The following PCDHA2 variants were observed in gnomAD, a reference collection of about 807,000 sequenced individuals.
PCDHA2 encodes the protein protocadherin alpha 2.
Under a neutral mutation model 66.0 loss-of-function variants are expected in PCDHA2, and 58 were observed. That is an observed-to-expected ratio of 0.88 (90% confidence interval 0.71 to 1.09). The LOEUF (loss-of-function observed/expected upper bound fraction) is 1.09, where lower values mean the gene tolerates loss of function less well. Ranked by LOEUF, PCDHA2 falls within the 50% of genes least tolerant of loss-of-function variation. The pLI is 0.00. For synonymous variants in PCDHA2, 634 were observed against 554.0 expected (o/e 1.14, Z -2.03); for missense variants, 1,267 against 1,242.3 (o/e 1.02, Z -0.30).
intron 1 of PCDHA2, among the ~76,000 whole-genome samples, chr5:140,898,096 G>T (rs2066523889): frequency 6.6e-6 from 1 of 152,034 alleles, no homozygotes; most frequent in South Asian, 2.1e-4. Context: ...TTAGCCCTTT[G>T]TCAGATGAGT....
In PCDHA2 at chr5:141,002,220, G is replaced by GC. The variant is rs1319895049; in HGVS notation, c.2537-7407_2537-7406insC. ...AGTCCCCGGCTTTAATCAAAATGAT[G>GC]GGTTTTCTGGAAGCTCTTTATTAAC... On this transcript the variant is annotated intron_variant, in intron 3 of 3. Coordinates refer to ENST00000526136, the MANE Select transcript of PCDHA2 (RefSeq NM_018905.3). Among the ~76,000 whole-genome samples, 33 of 152,196 alleles carry GC rather than the reference G, an allele frequency of 2.2e-4. 1 individual carries two copies. Among genetic ancestry groups the GC allele is most frequent in the Admixed American group, 1.0e-3 (16 of 15,274 alleles).
chr5:140,946,163 T>C (rs1345991689), intron 1 of PCDHA2, among the ~76,000 whole-genome samples: 1 of 151,884 alleles, frequency 6.6e-6, no homozygotes, highest in African/African-American at 2.4e-5. Flanking sequence ...ATTTAAAAGA[T>C]GGGTAAAGGA....
intron 1 of PCDHA2, chr5:140,848,650 T>C (rs1343958164): frequency 6.3e-6 from 10 of 1,592,776 alleles, no homozygotes; most frequent in Non-Finnish European, 8.6e-6. Flanking sequence ...GCGCAGGACC[T>C]GGGGCTGGAG....
chr5:140,879,126 G>T (rs2057860982), intron 1 of PCDHA2, among the ~76,000 whole-genome samples: 2 of 152,182 alleles, frequency 1.3e-5, no homozygotes, highest in Admixed American at 1.3e-4. Context: ...GATTAGAGCA[G>T]GGGAGATTGT....
chr5:140,875,033 T>G (rs1377177254), intron 1 of PCDHA2, among the ~76,000 whole-genome samples: 1 of 152,236 alleles, frequency 6.6e-6, no homozygotes, highest in Non-Finnish European at 1.5e-5. Context: ...CTACTGTATT[T>G]GAAAGATTTC....
At chr5:140,991,109 C>A (rs987847767) in intron 3 of PCDHA2, among the ~76,000 whole-genome samples, 1 of 152,156 alleles carries the variant, frequency 6.6e-6, no homozygotes, top group Non-Finnish European at 1.5e-5. Flanking sequence ...AATTAAGTGG[C>A]TTTCTTACAT....
chr5:140,961,715 A>G (rs1363525264), intron 1 of PCDHA2, among the ~76,000 whole-genome samples: 2 of 152,160 alleles, frequency 1.3e-5, no homozygotes, highest in Non-Finnish European at 2.9e-5. Flanking sequence ...TTCATTTCTA[A>G]GTGCTCATAA....
Position 141,010,119 on chromosome 5 carries a change from A to G in PCDHA2, c.*182A>G. 6.2e-7 allele frequency: 1 copy of G among 1,608,062 alleles called. No homozygotes were observed. On this transcript the variant is annotated 3_prime_UTR_variant, in exon 4 of 4. Transcript: ENST00000526136. ...TAACAGGTTTTGTCGTAAAAGCTTT[A>G]CTAAGTCTGGTGTTAACTCTTTCTC...
At chr5:140,968,920 A>G (rs781931367) in intron 1 of PCDHA2, 1 of 1,614,120 alleles carries the variant, frequency 6.2e-7, no homozygotes, top group Admixed American at 1.7e-5. Flanking sequence ...TGTCTTTTAT[A>G]TTTCTTTTGA....
intron 1 of PCDHA2, among the ~76,000 whole-genome samples, chr5:140,885,299 G>A (rs904206700): frequency 3.9e-5 from 6 of 152,042 alleles, no homozygotes; most frequent in African/African-American, 1.4e-4. Context: ...GAGAGACCTG[G>A]TAGGCTTTTT....
chr5:140,918,517 G>A (rs2078735105), intron 1 of PCDHA2, among the ~76,000 whole-genome samples: 1 of 152,134 alleles, frequency 6.6e-6, no homozygotes, highest in South Asian at 2.1e-4. Flanking sequence ...TAAACTTATT[G>A]AGGATTGTTT....
chr5:140,947,347 G>A (rs1554218167), intron 1 of PCDHA2, among the ~76,000 whole-genome samples: 1 of 151,534 alleles, frequency 6.6e-6, no homozygotes, highest in Non-Finnish European at 1.5e-5. Context: ...CTTAATTCTG[G>A]ACTCTATTTC....
intron 1 of PCDHA2, 69 bp downstream of exon 1, chr5:140,797,421 T>C (rs868931312): frequency 6.8e-7 from 1 of 1,474,602 alleles, no homozygotes. Flanking sequence ...TGATTTCTAC[T>C]AGTTATTTAG....
At chr5:140,978,713 A>G (rs2096819329) in intron 1 of PCDHA2, among the ~76,000 whole-genome samples, 1 of 152,272 alleles carries the variant, frequency 6.6e-6, no homozygotes, top group Admixed American at 6.5e-5. Flanking sequence ...GGCCTTTACA[A>G]GATTATTAAA....
chr5:140,829,248 A>C (rs2150164667), intron 1 of PCDHA2: 23 of 1,614,078 alleles, frequency 1.4e-5, no homozygotes, highest in Admixed American at 1.2e-4. Context: ...GGGCAGGTGA[A>C]CTGCTCGCTG....
chr5:140,806,972 T>G (rs1763823981), intron 1 of PCDHA2: 1 of 617,724 alleles, frequency 1.6e-6, no homozygotes, highest in Non-Finnish European at 2.8e-6. Flanking sequence ...AATTGCTACT[T>G]ACGGTTTGGA....
rs565071573 is a variant in PCDHA2, at chr5:141,009,664, G to C, written c.2574G>C (p.Ala858=). 1.7e-4 allele frequency: 273 copies of C among 1,613,982 alleles called. 2 individuals are homozygous for C. In the South Asian group the frequency reaches 2.8e-3, roughly 17 times the overall value. ...GAGAAGTGTCCCCTCCAGTCGGTGC[G>C]GGTGTCAACAGCAACAGCTGGACCT... ...EAGEVSPPVG[A]GVNSNSWTFK... The change falls in exon 4 of 4, where the codon GCG becomes GCC. Residue 858 remains alanine, a synonymous_variant. Transcript: ENST00000526136.
chr5:140,876,511 G>A lies in PCDHA2; in HGVS notation c.2388+79159G>A, dbSNP rs559810221. 2.4e-4 allele frequency: 380 copies of A among 1,614,076 alleles called. 4 individuals carry two copies. The South Asian group carries it at 3.9e-3, about 16-fold the overall frequency. ...GGAAGTTCTGGACGTGAATGACAATGTCCCTGAAGTAATGGTTACTTCACT... is the reference window on the plus strand; with the variant it reads ...GGAAGTTCTGGACGTGAATGACAATATCCCTGAAGTAATGGTTACTTCACT... On this transcript the variant is annotated intron_variant, in intron 1 of 3. Coordinates refer to ENST00000526136, the MANE Select transcript of PCDHA2 (RefSeq NM_018905.3).
chr5:140,994,550 T>A (rs1554254228), intron 3 of PCDHA2, among the ~76,000 whole-genome samples: 1 of 151,060 alleles, frequency 6.6e-6, no homozygotes, highest in Non-Finnish European at 1.5e-5. Context: ...AAAAAAAATA[T>A]AAAAATTAGC....
Sources: allele counts gnomAD v4.1 joint callset (sites outside exome capture counted in the v4.1 genomes callset), GRCh38; gene constraint gnomAD v4.1.1; transcripts MANE v1.5; gene names NCBI Gene and HGNC (gene_info 2026-07-23, HGNC 2026-07-21).